The following LRP2 variants were observed in gnomAD, a reference collection of about 807,000 sequenced individuals.
LRP2 encodes the protein low-density lipoprotein receptor-related protein 2.
Under a neutral mutation model 531.0 loss-of-function variants are expected in LRP2, and 172 were observed. That is an observed-to-expected ratio of 0.32 (90% CI 0.29 to 0.37). The LOEUF is 0.37. LRP2 is among the 10% of genes least tolerant of loss of function. The probability of loss-of-function intolerance (pLI) is 1.00; values close to 1 mark genes in which losing one functional copy is unlikely to be tolerated. For synonymous variants in LRP2, 1,992 were observed against 2,027.6 expected (o/e 0.98, Z 0.47); for missense variants, 5,167 against 5,868.3 (o/e 0.88, Z 3.90).
In LRP2 at chr2:169,128,829, A is replaced by T; in HGVS notation, c.13802T>A (p.Met4601Lys). The change falls in exon 79 of 79, where the codon ATG becomes AAG. Residue 4601 changes from methionine (M) to lysine (K), a missense_variant and splice_region_variant. Met to Lys is a moderately conservative substitution (Grantham distance 95, BLOSUM62 -1). Coordinates refer to ENST00000649046, the MANE Select transcript of LRP2 (RefSeq NM_004525.3). ...TNFENPIYAQ[M>K]ENEQKESVAA... ...AACACTTTCCTTTTGCTCGTTCTCC[A>T]TCTAAGAATACAATGTAACAGGAAT... 2 of 1,614,094 alleles carry T rather than the reference A, an allele frequency of 1.2e-6. No individual in the cohort carries two copies. Among genetic ancestry groups the T allele is most frequent in the Non-Finnish European group, 1.7e-6 (2 of 1,179,980 alleles).
At chr2:169,203,936 G>A (rs1688287775) in intron 42 of LRP2, 46 bp downstream of exon 42, 2 of 1,594,680 alleles carry the variant, frequency 1.3e-6, no homozygotes, top group African/African-American at 1.3e-5. Context: ...AATTGGTATT[G>A]TGATCATTAT....
At chr2:169,290,189 G>A (rs1331643566) in intron 8 of LRP2, among the ~76,000 whole-genome samples, 4 of 139,844 alleles carry the variant, frequency 2.9e-5, no homozygotes, top group Middle Eastern at 3.6e-3. Flanking sequence ...AGACATAATC[G>A]AACAACACTG....
chr2:169,134,793 T>A (rs539671081), intron 76 of LRP2, among the ~76,000 whole-genome samples: 24 of 152,262 alleles, frequency 1.6e-4, no homozygotes, highest in Admixed American at 1.6e-3. Flanking sequence ...CATTAATGCG[T>A]CTTTAATAAA....
chr2:169,147,651 T>C (rs1399412803), intron 68 of LRP2, among the ~76,000 whole-genome samples: 2 of 152,176 alleles, frequency 1.3e-5, no homozygotes, highest in Admixed American at 1.3e-4. Context: ...ATCCAATTAA[T>C]AATTAATTGT....
intron 7 of LRP2, among the ~76,000 whole-genome samples, chr2:169,292,024 G>T (rs944587927): frequency 3.3e-5 from 5 of 152,114 alleles, no homozygotes; most frequent in Admixed American, 2.0e-4. Flanking sequence ...AGATAGAAGG[G>T]AGAGGATTAT....
At position 169,205,534 on chromosome 2, in the gene LRP2, TG is replaced by T; in HGVS notation, c.7659del (p.Ser2554ValfsTer3). ...TCTTCATAGTCCAGAGTCAGCCCAC[TG>T]GGCATGACCAGACTGCTGTTCACAA... ...VPIVNSSLVM[P>X]SGLTLDYEED... On this transcript the variant is annotated frameshift_variant, in exon 41 of 79. Transcript: ENST00000649046. LOFTEE classifies it high-confidence loss of function. 1 of 1,614,130 alleles carries T rather than the reference TG, an allele frequency of 6.2e-7. No individual in the cohort carries two copies. The highest frequency in any genetic ancestry group is 1.3e-5 in the African/African-American group (1 of 75,040).
intron 60 of LRP2, among the ~76,000 whole-genome samples, chr2:169,169,472 A>G (rs1238410388): frequency 6.6e-6 from 1 of 152,216 alleles, no homozygotes; most frequent in African/African-American, 2.4e-5. Context: ...GTTAGCACAG[A>G]TTACTTAATA....
intron 8 of LRP2, among the ~76,000 whole-genome samples, chr2:169,289,438 T>C (rs985933765): frequency 6.6e-6 from 1 of 152,120 alleles, no homozygotes; most frequent in Admixed American, 6.5e-5. Context: ...ACAACTGTAA[T>C]CTCAGCACTT....
chr2:169,257,235 G>T lies in LRP2; in HGVS notation c.2528C>A (p.Thr843Asn). The change falls in exon 18 of 79, where the codon ACT becomes AAT. Residue 843 changes from threonine (T) to asparagine (N), a missense_variant. Physicochemically the swap from Thr to Asn is moderately conservative, Grantham distance 65. Around this residue, in one of 6 missense-constraint regions of LRP2, gnomAD observed 2,811 missense variants for 3,058.0 expected, o/e 0.92. Coordinates refer to ENST00000649046, the MANE Select transcript of LRP2 (RefSeq NM_004525.3). ...VHPFAGYLFFTDWFRPAKIMR... is the reference protein window; with the variant it reads ...VHPFAGYLFFNDWFRPAKIMR... ...AATTTTAGCAGGACGGAACCAATCA[G>T]TGAAGAATAGATACCTAGAAAAAGC... 6.2e-7 allele frequency: 1 copy of T among 1,612,694 alleles called. No homozygotes were observed. Among genetic ancestry groups the T allele is most frequent in the Non-Finnish European group, 8.5e-7 (1 of 1,179,034 alleles).
In LRP2 at chr2:169,320,890, A is replaced by G. The variant is rs761292951; in HGVS notation, c.80-6T>C. 63 of 1,599,244 alleles carry G rather than the reference A, an allele frequency of 3.9e-5. No homozygotes were observed. The highest frequency in any genetic ancestry group is 5.1e-5 in the Non-Finnish European group (60 of 1,166,518). On this transcript the variant is annotated splice_polypyrimidine_tract_variant and splice_region_variant and intron_variant, in intron 1 of 78. Coordinates refer to ENST00000649046, the MANE Select transcript of LRP2 (RefSeq NM_004525.3). ...AAAATGCGCACTGTCACATTCTGCA[A>G]TAATAGACAGAAATTTTAAAAACTT...
intron 16 of LRP2, among the ~76,000 whole-genome samples, chr2:169,263,900 G>T (rs1476614585): frequency 1.3e-5 from 2 of 152,102 alleles, no homozygotes; most frequent in African/African-American, 4.8e-5. Context: ...TATATGCCAT[G>T]GAATACTATG....
intron 37 of LRP2, 107 bp downstream of exon 37, chr2:169,211,861 C>T (rs1688605621): frequency 1.4e-6 from 2 of 1,443,068 alleles, no homozygotes; most frequent in Non-Finnish European, 1.9e-6. Context: ...GAAAGGAAAG[C>T]TTCATTATGC....
At position 169,357,776 on chromosome 2, in the gene LRP2, A is replaced by T. The variant is rs758246789; in HGVS notation, c.79+4545T>A. Among the ~76,000 whole-genome samples, 16 of 152,330 alleles carry T rather than the reference A, an allele frequency of 1.1e-4. No individual in the cohort carries two copies. In the East Asian group the frequency reaches 2.1e-3, roughly 20 times the overall value. On this transcript the variant is annotated intron_variant, in intron 1 of 78. Transcript: ENST00000649046. ...CATTATTTTTAAATGATAATTTAAA[A>T]TTTTAATTTAAATATTTTAAAAACC... is the stretch of plus-strand genomic sequence containing the variant.
At chr2:169,273,694 C>G (rs1317682818) in intron 14 of LRP2, among the ~76,000 whole-genome samples, 1 of 152,176 alleles carries the variant, frequency 6.6e-6, no homozygotes, top group Non-Finnish European at 1.5e-5. Context: ...AGCACTGCCA[C>G]AGCTAGAAAT....
Position 169,127,554 on chromosome 2 carries a change from A to AAAAG in LRP2, c.*1108_*1109insCTTT, listed in dbSNP as rs1230030414. ...TCTCTAAAAAAAAAAAAAAAAAAAAAACCAATAAGAATTAAAGAAAAGATC... is the reference window on the plus strand; with the variant it reads ...TCTCTAAAAAAAAAAAAAAAAAAAAAAAAGACCAATAAGAATTAAAGAAAAGATC... On this transcript the variant is annotated 3_prime_UTR_variant, in exon 79 of 79. Transcript: ENST00000649046. The AAAAG allele has an allele frequency of 6.6e-6, 1 of 151,926 alleles. No homozygotes were observed. Among genetic ancestry groups the AAAAG allele is most frequent in the African/African-American group, 2.4e-5 (1 of 41,238 alleles). 9.4% of individuals were successfully genotyped at this position (151,926 alleles called of 1,614,324 possible).
At chr2:169,321,744 C>G (rs1234065163) in intron 1 of LRP2, among the ~76,000 whole-genome samples, 2 of 151,970 alleles carry the variant, frequency 1.3e-5, no homozygotes, top group African/African-American at 4.8e-5. Context: ...GAGCCAAAAA[C>G]AAAACAAAAC....
At chr2:169,311,052 C>G (rs1190472903) in intron 3 of LRP2, among the ~76,000 whole-genome samples, 1 of 152,226 alleles carries the variant, frequency 6.6e-6, no homozygotes, top group Admixed American at 6.5e-5. Flanking sequence ...GTGATATCCC[C>G]TTTATCATTT....
Position 169,239,541 on chromosome 2 carries a change from G to C in LRP2, c.4280C>G (p.Thr1427Ser). 1 of 1,614,024 alleles carries C rather than the reference G, an allele frequency of 6.2e-7. No homozygotes were observed. Among genetic ancestry groups the C allele is most frequent in the Non-Finnish European group, 8.5e-7 (1 of 1,179,916 alleles). The change falls in exon 26 of 79, where the codon ACT (threonine) becomes AGT (serine). Residue 1427 changes from threonine (T) to serine (S), a missense_variant. Physicochemically the swap from Thr to Ser is moderately conservative, Grantham distance 58 (BLOSUM62 1). Around this residue, in one of 6 missense-constraint regions of LRP2, gnomAD observed 2,811 missense variants for 3,058.0 expected, o/e 0.92. Coordinates refer to ENST00000649046, the MANE Select transcript of LRP2 (RefSeq NM_004525.3). The part of the protein sequence containing the change: ...TGYMLESDGR[T>S]CKVTASESLL... ...TCAGCAATTACCTGTAACTTTGCAA[G>C]TCCTCCCATCACTTTCTAACATGTA...
chr2:169,263,250 C>G (rs1375962869), intron 16 of LRP2, among the ~76,000 whole-genome samples: 5 of 152,126 alleles, frequency 3.3e-5, no homozygotes, highest in Non-Finnish European at 7.4e-5. Flanking sequence ...CAAATGGGAT[C>G]TAATTAAACT....
Sources: gnomAD v4.1 joint callset for allele counts (sites outside exome capture counted in the v4.1 genomes callset) on GRCh38, gnomAD v4.1.1 for gene constraint, gnomAD v4.1.1 regional missense constraint, MANE v1.5 for transcripts, NCBI Gene and HGNC (gene_info 2026-07-23, HGNC 2026-07-21) for gene names.